MYOM1: variants seen among roughly 807,000 people sequenced by gnomAD.
MYOM1 encodes myomesin-1.
In MYOM1, 164 loss-of-function variants were observed where a neutral mutation model predicts 205.3. The ratio of observed to expected loss-of-function variants is 0.80; its 90% CI spans 0.70 to 0.91. The LOEUF is 0.91. MYOM1 is among the 40% of genes least tolerant of loss of function. MYOM1 has a pLI of 0.00. For missense variants in MYOM1, 2,011 were observed against 2,127.3 expected (o/e 0.95, Z 1.08); for synonymous variants, 772 against 789.4 (o/e 0.98, Z 0.37).
Position 3,135,448 on chromosome 18 carries a change from A to C in MYOM1, c.2209+99T>G. 9.6e-7 allele frequency: 1 copy of C among 1,036,350 alleles called. No individual in the cohort carries two copies. Among genetic ancestry groups the C allele is most frequent in the South Asian group, 2.0e-5 (1 of 51,170 alleles). 64.2% of individuals were successfully genotyped at this position (1,036,350 alleles called of 1,614,324 possible). On this transcript the variant is annotated intron_variant, in intron 15 of 37. Coordinates refer to ENST00000356443, the MANE Select transcript of MYOM1 (RefSeq NM_003803.4). This position sits in a 1 kb window ranked among gnomAD's most constrained non-coding sequence, Gnocchi z 4.1. ...CCATCGAGTAAATTTATAATATGAA[A>C]GAAGGATGTCACCATTTTTACTCCT... is the stretch of plus-strand genomic sequence containing the variant.
chr18:3,134,915 A>G, intron 15 of MYOM1, 91 bp from the exon 16 acceptor site: 1 of 1,272,866 alleles, frequency 7.9e-7, no homozygotes, highest in Non-Finnish European at 1.1e-6. Flanking sequence ...GGTATTTTAC[A>G]CACTTCGTCA....
At chr18:3,130,641 A>G (rs2079862241) in intron 17 of MYOM1, among the ~76,000 whole-genome samples, 1 of 151,838 alleles carries the variant, frequency 6.6e-6, no homozygotes, top group African/African-American at 2.4e-5. Flanking sequence ...TTATTTTTAG[A>G]AATGGGATTT....
the MYOM1 span, among the ~76,000 whole-genome samples, chr18:3,229,344 T>G: frequency 1.3e-5 from 2 of 152,068 alleles, no homozygotes; most frequent in African/African-American, 2.4e-5. Flanking sequence ...ACATCAGTAT[T>G]TTTTAAAAGC....
chr18:3,183,088 C>A (rs2080762277), intron 5 of MYOM1, among the ~76,000 whole-genome samples: 1 of 152,088 alleles, frequency 6.6e-6, no homozygotes, highest in Non-Finnish European at 1.5e-5. Context: ...CTCCACCACA[C>A]CCGGCTAATT....
rs370517605 is a variant in MYOM1 at position 3,152,325 on chromosome 18, C to T, written c.1644-432G>A. On this transcript the variant is annotated intron_variant, in intron 11 of 37. Transcript: ENST00000356443. This position sits in a 1 kb window ranked among gnomAD's most constrained non-coding sequence, Gnocchi z 4.3. ...ACAGAGGTATTATTGAGAAAATTGG[C>T]GTCTTAAAACCTAACTATTTGCACT... 2.6e-5 allele frequency among the ~76,000 whole-genome samples: 4 copies of T among 152,250 alleles called. No homozygotes were observed. The highest frequency in any genetic ancestry group is 1.9e-4 in the East Asian group (1 of 5,188).
chr18:3,197,638 C>T (rs1194878365), intron 2 of MYOM1, among the ~76,000 whole-genome samples: 1 of 151,988 alleles, frequency 6.6e-6, no homozygotes. Context: ...CGTTGGGAGG[C>T]CAAGGCGGGC....
chr18:3,151,834 C>T lies in MYOM1; in HGVS notation c.1703G>A (p.Arg568His), dbSNP rs769000504. 69 of 1,613,580 alleles carry T rather than the reference C, an allele frequency of 4.3e-5. No individual in the cohort carries two copies. Among genetic ancestry groups the T allele is most frequent in the Middle Eastern group, 1.6e-4 (1 of 6,084 alleles). Residue 568 changes from arginine to histidine, a missense_variant, in exon 12 of 38, where the codon CGT (arginine) becomes CAT (histidine). Physicochemically the swap from Arg to His is conservative, Grantham distance 29. Transcript: ENST00000356443. ...TTCGATCAATCCAGTGACAGGAAAACGAGCAAACTTCACAGGTGTGTCATT... is the reference window on the plus strand; with the variant it reads ...TTCGATCAATCCAGTGACAGGAAAATGAGCAAACTTCACAGGTGTGTCATT... The part of the protein sequence containing the change: ...QCNDTPVKFA[R>H]FPVTGLIEGR...
intron 10 of MYOM1, among the ~76,000 whole-genome samples, chr18:3,158,929 T>C (rs1012982023): frequency 3.9e-5 from 6 of 152,228 alleles, no homozygotes; most frequent in Admixed American, 6.5e-5. Context: ...TCAATTTTCA[T>C]TGTTTTGATT....
rs566019730 is a variant in MYOM1, at chr18:3,099,310, A to T, written c.3727+849T>A. Among the ~76,000 whole-genome samples the T allele has an allele frequency of 2.0e-5, 3 of 152,348 alleles. No individual in the cohort carries two copies. The South Asian group carries it at 6.2e-4, about 32-fold the overall frequency. On this transcript the variant is annotated intron_variant, in intron 25 of 37. Coordinates refer to ENST00000356443, the MANE Select transcript of MYOM1 (RefSeq NM_003803.4). ...AAGGATACTCTTCCTAGAAAAATGC[A>T]CATATATCAATATACAAAGGCTGTT...
Position 3,086,026 on chromosome 18 carries a change from A to T in MYOM1, c.4251+12T>A. ...AGCTAATATATTACATTTTACATTT[A>T]TAATCGCCTACCTCTGTTATAAGCA... On this transcript the variant is annotated intron_variant, in intron 30 of 37. Coordinates refer to ENST00000356443, the MANE Select transcript of MYOM1 (RefSeq NM_003803.4). 6.6e-7 allele frequency: 1 copy of T among 1,523,200 alleles called. No individual in the cohort carries two copies. The highest frequency in any genetic ancestry group is 1.1e-5 in the South Asian group (1 of 88,942). The allele number at this position is 1,523,200 out of a possible 1,614,324, so 94.4% of individuals were successfully genotyped here.
intron 14 of MYOM1, among the ~76,000 whole-genome samples, chr18:3,136,422 A>T (rs1001353642): frequency 9.2e-5 from 14 of 151,970 alleles, no homozygotes; most frequent in African/African-American, 3.1e-4. Flanking sequence ...AATTAAATTA[A>T]ATTTTATTTT....
At position 3,085,051 on chromosome 18, in the gene MYOM1, C is replaced by T. The variant is rs1218895641; in HGVS notation, c.4333G>A (p.Asp1445Asn). Reference sequence around the variant, plus strand: ...CAGCAGTTGGTGGACTGACCTTCATCCACAAGCTTCAGTCTGCTCTTATCT... The same window carrying T: ...CAGCAGTTGGTGGACTGACCTTCATTCACAAGCTTCAGTCTGCTCTTATCT... The part of the protein sequence containing the change: ...GKDKSRLKLV[D>N]EAFKELMMEV... The change falls in exon 31 of 38, where the codon GAT becomes AAT. Residue 1445 changes from aspartate (D) to asparagine (N), a missense_variant. Coordinates refer to ENST00000356443, the MANE Select transcript of MYOM1 (RefSeq NM_003803.4). The T allele has an allele frequency of 1.9e-6, 3 of 1,603,578 alleles. No homozygotes were observed. Among genetic ancestry groups the T allele is most frequent in the Admixed American group, 3.4e-5 (2 of 58,600 alleles).
At chr18:3,158,084 A>C (rs1400914751) in intron 10 of MYOM1, among the ~76,000 whole-genome samples, 1 of 152,218 alleles carries the variant, frequency 6.6e-6, no homozygotes, top group Admixed American at 6.5e-5. Flanking sequence ...CTATATGATA[A>C]TCAAAAAATA....
At chr18:3,081,144 A>G (rs72858624) in intron 33 of MYOM1, among the ~76,000 whole-genome samples, 24,381 of 151,660 alleles carry the variant, frequency 0.16, 2,291 homozygotes, top group East Asian at 0.18. Flanking sequence ...AAAAAAAAAA[A>G]AGAGAGAGAG....
At chr18:3,075,326 A>C in intron 36 of MYOM1, 128 bp downstream of exon 36, 1 of 824,426 alleles carries the variant, frequency 1.2e-6, no homozygotes. Flanking sequence ...TATGTAGAAC[A>C]CCTAAGATTT....
chr18:3,240,222 G>T, the MYOM1 span, among the ~76,000 whole-genome samples: 9 of 152,178 alleles, frequency 5.9e-5, no homozygotes, highest in East Asian at 3.8e-4. Context: ...CTTCAAAACA[G>T]CTTAGATATC....
At chr18:3,235,731 G>C in the MYOM1 span, among the ~76,000 whole-genome samples, 3 of 152,198 alleles carry the variant, frequency 2.0e-5, no homozygotes, top group African/African-American at 4.8e-5. Flanking sequence ...TGAGTAAAGT[G>C]CCTGGTGTGT....
At chr18:3,241,275 C>T in the MYOM1 span, among the ~76,000 whole-genome samples, 1 of 152,118 alleles carries the variant, frequency 6.6e-6, no homozygotes, top group Non-Finnish European at 1.5e-5. Context: ...GGACTGGAGG[C>T]CAAGGAGGAA....
At chr18:3,233,882 A>C in the MYOM1 span, among the ~76,000 whole-genome samples, 26 of 152,230 alleles carry the variant, frequency 1.7e-4, no homozygotes, top group African/African-American at 6.3e-4. Context: ...CATTTCAAGT[A>C]AATATTCCCA....
Sources: allele counts gnomAD v4.1 joint callset (sites outside exome capture counted in the v4.1 genomes callset), GRCh38; gene constraint gnomAD v4.1.1; non-coding constraint Gnocchi (gnomAD v3.1); transcripts MANE v1.5; gene names NCBI Gene and HGNC (gene_info 2026-07-23, HGNC 2026-07-21).